DKK3: variants seen among roughly 807,000 people sequenced by gnomAD.
DKK3 encodes dickkopf-related protein 3.
In DKK3, 22 loss-of-function variants were observed where a neutral mutation model predicts 33.2. That is an observed-to-expected ratio of 0.66 (90% CI 0.47 to 0.95). DKK3 has a LOEUF of 0.95. Among genes scored for constraint, DKK3 ranks in the 40% least tolerant of loss-of-function variants. The pLI, the probability that DKK3 is intolerant of heterozygous loss-of-function variation, is 0.00. For synonymous variants in DKK3, 194 were observed against 188.8 expected (o/e 1.03, Z -0.23); for missense variants, 398 against 458.4 (o/e 0.87, Z 1.20).
At chr11:12,009,390 G>T (rs1368090185), upstream of DKK3, 8 of 760,424 alleles carry the variant, frequency 1.1e-5, no homozygotes, top group South Asian at 6.4e-5. Context: ...AGCCCCGCCC[G>T]CCCACCAGGC....
At chr11:12,006,214 C>A (rs1381304959) in intron 1 of DKK3, among the ~76,000 whole-genome samples, 1 of 152,166 alleles carries the variant, frequency 6.6e-6, no homozygotes, top group African/African-American at 2.4e-5. Flanking sequence ...CTATATGACT[C>A]CCTTCACCCT....
upstream of DKK3, chr11:12,008,917 C>T: frequency 1.9e-6 from 2 of 1,063,332 alleles, no homozygotes; most frequent in Non-Finnish European, 2.3e-6. The surrounding 1 kb of genome is among the most constrained non-coding windows in gnomAD (Gnocchi z 4.6). Context: ...GGATCCTCTA[C>T]GCTAATAGCT....
intron 3 of DKK3, among the ~76,000 whole-genome samples, chr11:11,972,857 G>A (rs1401808978): frequency 1.3e-5 from 2 of 152,174 alleles, no homozygotes; most frequent in African/African-American, 2.4e-5. Context: ...TAAGAGGCCT[G>A]GGAGGGAAGG....
chr11:12,009,242 C>A (rs1274639874), upstream of DKK3: 2 of 984,970 alleles, frequency 2.0e-6, no homozygotes, highest in Non-Finnish European at 2.4e-6. Context: ...CGCCGGGCTG[C>A]GGGTGCAGAT....
chr11:11,981,516 G>A (rs540549655), intron 3 of DKK3, among the ~76,000 whole-genome samples: 7 of 152,310 alleles, frequency 4.6e-5, no homozygotes, highest in African/African-American at 1.7e-4. Flanking sequence ...AGAACACGGT[G>A]CATCCAAACT....
chr11:11,978,377 T>C (rs948312838), intron 3 of DKK3, among the ~76,000 whole-genome samples: 6 of 127,718 alleles, frequency 4.7e-5, no homozygotes, highest in Non-Finnish European at 1.1e-4. Flanking sequence ...TTTGTGAGCA[T>C]GTGCAGCTTT....
chr11:11,983,873 A>G (rs1274475205), intron 3 of DKK3, among the ~76,000 whole-genome samples: 1 of 152,224 alleles, frequency 6.6e-6, no homozygotes, highest in Non-Finnish European at 1.5e-5. Flanking sequence ...CTCAACCTTC[A>G]GTTTCTTCAA....
chr11:11,973,576 G>A (rs1288824818), intron 3 of DKK3, among the ~76,000 whole-genome samples: 2 of 152,224 alleles, frequency 1.3e-5, no homozygotes, highest in African/African-American at 4.8e-5. Context: ...CTGACAAACA[G>A]CCCAGAAGCT....
chr11:12,009,408 G>A, upstream of DKK3: 4 of 691,802 alleles, frequency 5.8e-6, no homozygotes, highest in Non-Finnish European at 6.4e-6. Flanking sequence ...GGCCCACCCC[G>A]CCCCGCGGAG....
At chr11:12,009,299 G>A, upstream of DKK3, 2 of 983,260 alleles carry the variant, frequency 2.0e-6, no homozygotes, top group Non-Finnish European at 1.2e-6. Context: ...AGCGCGGCGG[G>A]GTGCGGCAGC....
At chr11:11,970,430 A>AT (rs765473490) in intron 3 of DKK3, among the ~76,000 whole-genome samples, 4 of 152,192 alleles carry the variant, frequency 2.6e-5, no homozygotes, top group South Asian at 2.1e-4. Flanking sequence ...GCATAACACC[A>AT]TTTTTTTCAC....
chr11:11,982,720 G>T (rs563591802), intron 3 of DKK3, among the ~76,000 whole-genome samples: 1 of 152,156 alleles, frequency 6.6e-6, no homozygotes, highest in Non-Finnish European at 1.5e-5. Context: ...AAGTGAGGAC[G>T]ATGTCCCGCC....
chr11:12,000,519 C>G (rs112754107), intron 2 of DKK3, among the ~76,000 whole-genome samples: 1 of 117,498 alleles, frequency 8.5e-6, no homozygotes, highest in Middle Eastern at 6.2e-3. Context: ...TTTTTTTTTT[C>G]TTTTTTTTGA....
intron 2 of DKK3, among the ~76,000 whole-genome samples, chr11:12,000,074 C>T (rs990573724): frequency 1.2e-4 from 19 of 152,296 alleles, no homozygotes; most frequent in Middle Eastern, 3.4e-3. Context: ...TTTATTATAA[C>T]AATTTGTATT....
At chr11:11,968,362 G>GAGCCACAGCCCCAGAGGCCC in intron 4 of DKK3, 33 bp downstream of exon 4, 2 of 1,587,758 alleles carry the variant, frequency 1.3e-6, no homozygotes, top group Non-Finnish European at 1.7e-6. Context: ...TGAGACCCTG[G>GAGCCACAGCCCCAGAGGCCC]TGCCACAGCC....
At chr11:12,009,457 C>T (rs1848614427), upstream of DKK3, 1 of 928,774 alleles carries the variant, frequency 1.1e-6, no homozygotes, top group Non-Finnish European at 1.3e-6. Context: ...GGGCGCCGGC[C>T]ACCTCACGCC....
chr11:11,990,978 G>A (rs1407729420), intron 3 of DKK3, among the ~76,000 whole-genome samples: 1 of 152,156 alleles, frequency 6.6e-6, no homozygotes, highest in Non-Finnish European at 1.5e-5. Context: ...TGAGACTTCT[G>A]GGTCAGAGAC....
chr11:11,981,964 G>C (rs1211381571), intron 3 of DKK3, among the ~76,000 whole-genome samples: 1 of 152,166 alleles, frequency 6.6e-6, no homozygotes, highest in Non-Finnish European at 1.5e-5. Flanking sequence ...TGTCCTTGTG[G>C]ATGTCCTGGT....
chr11:11,969,383 C>T (rs1324705121), intron 3 of DKK3, among the ~76,000 whole-genome samples: 3 of 152,082 alleles, frequency 2.0e-5, no homozygotes, highest in African/African-American at 7.2e-5. Context: ...GCTTGACGGC[C>T]CTGATCTTGT....
Sources: allele counts gnomAD v4.1 joint callset (sites outside exome capture counted in the v4.1 genomes callset), GRCh38; gene constraint gnomAD v4.1.1; non-coding constraint Gnocchi (gnomAD v3.1); transcripts MANE v1.5; gene names NCBI Gene and HGNC (gene_info 2026-07-23, HGNC 2026-07-21).